ZNF484: variants seen among roughly 807,000 people sequenced by gnomAD.
ZNF484 encodes the protein KRAB box containing C2H2 type zinc finger bA526D8.4.
A neutral mutation model predicts 12.9 loss-of-function variants in ZNF484; 11 were observed. That is an observed-to-expected ratio of 0.85 (90% CI 0.54 to 1.41). The LOEUF is 1.41. Ranked by LOEUF, ZNF484 falls within the 40% of genes most tolerant of loss-of-function variation. ZNF484 has a pLI of 0.00. For missense variants in ZNF484, 807 were observed against 1,007.7 expected (o/e 0.80, Z 2.70); for synonymous variants, 289 against 334.1 (o/e 0.86, Z 1.47).
At position 92,844,387 on chromosome 9, in the gene ZNF484, A is replaced by G. The variant is rs1214811182; in HGVS notation, c.*1841T>C. ...ATAGATAATAGCTAGGAATTTCCCC[A>G]AATGCACATGTGCACACACGTACAC... On this transcript the variant is annotated 3_prime_UTR_variant, in exon 5 of 5. Transcript: ENST00000375495. Among the ~76,000 whole-genome samples the G allele has an allele frequency of 6.6e-6, 1 of 152,180 alleles. No homozygotes were observed. The highest frequency in any genetic ancestry group is 2.4e-5 in the African/African-American group (1 of 41,438).
At chr9:92,864,944 A>T (rs1856980126) in intron 2 of ZNF484, among the ~76,000 whole-genome samples, 1 of 152,224 alleles carries the variant, frequency 6.6e-6, no homozygotes, top group Non-Finnish European at 1.5e-5. Flanking sequence ...AATATGCAAT[A>T]GTCAAAAAAT....
chr9:92,856,291 C>T lies in ZNF484; in HGVS notation c.43G>A (p.Val15Ile), dbSNP rs368747542. ...TGCCACTCATCCCTACTGAAGTCTA[C>T]AGTTACGTCCTTGAATGACACTGAT... ...LESVSFKDVT[V>I]DFSRDEWQQL... Residue 15 changes from valine to isoleucine, a missense_variant, in exon 3 of 5, where the codon GTA becomes ATA. Val to Ile is a conservative substitution (Grantham distance 29, BLOSUM62 3). Transcript: ENST00000375495. 2.5e-5 allele frequency: 40 copies of T among 1,601,720 alleles called. No homozygotes were observed. The South Asian group carries it at 3.2e-4, about 13-fold the overall frequency.
At chr9:92,874,885 C>T (rs569429835) in intron 2 of ZNF484, 130 bp downstream of exon 2, 1 of 897,030 alleles carries the variant, frequency 1.1e-6, no homozygotes, top group East Asian at 2.7e-5. Context: ...GTCTCTTCTT[C>T]ATTTTATCTG....
rs1410131700 is a variant in ZNF484 at position 92,848,329 on chromosome 9, A to G, written c.458T>C (p.Phe153Ser). Reference sequence around the variant, plus strand: ...TATTTCCCCAATGTCCTTATATTCAAAGATGCTGTCATTAGCTAGTGTTTT... The same window carrying G: ...TATTTCCCCAATGTCCTTATATTCAGAGATGCTGTCATTAGCTAGTGTTTT... ...NKKTLANDSI[F>S]EYKDIGEIVH... Residue 153 changes from phenylalanine (F) to serine (S), a missense_variant, in exon 5 of 5, where the codon TTT (phenylalanine) becomes TCT (serine). Phe to Ser is a radical substitution (Grantham distance 155, BLOSUM62 -2). Coordinates refer to ENST00000375495, the MANE Select transcript of ZNF484 (RefSeq NM_031486.4). The surrounding 1 kb of genome is among the most constrained non-coding windows in gnomAD (Gnocchi z 4.1). 10 of 1,613,998 alleles carry G rather than the reference A, an allele frequency of 6.2e-6. No individual in the cohort carries two copies. The highest frequency in any genetic ancestry group is 8.5e-6 in the Non-Finnish European group (10 of 1,180,032).
chr9:92,851,890 T>C (rs1018726691), intron 4 of ZNF484, among the ~76,000 whole-genome samples: 1 of 152,306 alleles, frequency 6.6e-6, no homozygotes, highest in Non-Finnish European at 1.5e-5. Context: ...AACAAAAAGG[T>C]ACTCTGAACC....
chr9:92,856,053 C>T, intron 3 of ZNF484, 139 bp downstream of exon 3: 5 of 1,381,060 alleles, frequency 3.6e-6, no homozygotes, highest in Non-Finnish European at 5.0e-6. Flanking sequence ...AAGGACAAAA[C>T]CATTACACAC....
chr9:92,874,295 G>GTTCTTTCT (rs200619792), intron 2 of ZNF484, among the ~76,000 whole-genome samples: 1 of 141,488 alleles, frequency 7.1e-6, no homozygotes, highest in South Asian at 2.2e-4. Context: ...GTTAGTGCAC[G>GTTCTTTCT]TTCTTTCTTT....
chr9:92,876,306 TAAAGA>T (rs556686494), intron 1 of ZNF484, among the ~76,000 whole-genome samples: 88 of 152,070 alleles, frequency 5.8e-4, no homozygotes, highest in African/African-American at 2.0e-3. Context: ...AAATATTATG[TAAAGA>T]AAAGGCAGAA....
chr9:92,864,869 G>C (rs1856975753), intron 2 of ZNF484, among the ~76,000 whole-genome samples: 1 of 152,052 alleles, frequency 6.6e-6, no homozygotes, highest in Non-Finnish European at 1.5e-5. Context: ...GGCACATATA[G>C]GAAAATTTCT....
intron 4 of ZNF484, among the ~76,000 whole-genome samples, chr9:92,849,460 T>A (rs1460250391): frequency 6.6e-6 from 1 of 152,132 alleles, no homozygotes; most frequent in Admixed American, 6.5e-5. Context: ...ATCATTTAGA[T>A]GTGCTGTTCT....
intron 2 of ZNF484, among the ~76,000 whole-genome samples, chr9:92,862,669 A>G (rs776543271): frequency 1.8e-4 from 28 of 152,214 alleles, no homozygotes; most frequent in Admixed American, 6.5e-5. Flanking sequence ...CTGGCATGAG[A>G]TCATGCAACT....
At position 92,847,396 on chromosome 9, in the gene ZNF484, C is replaced by G; in HGVS notation, c.1391G>C (p.Gly464Ala). The G allele has an allele frequency of 6.2e-7, 1 of 1,613,908 alleles. No individual in the cohort carries two copies. Among genetic ancestry groups the G allele is most frequent in the Non-Finnish European group, 8.5e-7 (1 of 1,179,986 alleles). Residue 464 changes from glycine (G) to alanine (A), a missense_variant, in exon 5 of 5, where the codon GGA becomes GCA. By Grantham distance (60) the Gly-to-Ala change is moderately conservative. Coordinates refer to ENST00000375495, the MANE Select transcript of ZNF484 (RefSeq NM_031486.4). ...TTCTGAACATATAAAGGGATTCTCTCCTGTGTGAATTCGCTGATGCACATG... is the reference window on the plus strand; with the variant it reads ...TTCTGAACATATAAAGGGATTCTCTGCTGTGTGAATTCGCTGATGCACATG... ...QLHVHQRIHT[G>A]ENPFICSECG...
Position 92,847,129 on chromosome 9 carries a change from T to C in ZNF484, c.1658A>G (p.Glu553Gly). 6.2e-7 allele frequency: 1 copy of C among 1,614,106 alleles called. No homozygotes were observed. Among genetic ancestry groups the C allele is most frequent in the African/African-American group, 1.3e-5 (1 of 75,044 alleles). Residue 553 changes from glutamate to glycine, a missense_variant, in exon 5 of 5, where the codon GAA becomes GGA. Coordinates refer to ENST00000375495, the MANE Select transcript of ZNF484 (RefSeq NM_031486.4). ...GAATGCTTTCCCACATTCACTGCAT[T>C]CATAATGTCTCTCTCCAGTATGACA... ...QKCHTGERHY[E>G]CSECGKAFIQ...
chr9:92,854,385 G>T (rs1406483950), intron 4 of ZNF484, among the ~76,000 whole-genome samples: 1 of 152,108 alleles, frequency 6.6e-6, no homozygotes, highest in Non-Finnish European at 1.5e-5. Context: ...ATATTAGTAT[G>T]CCCAATGATA....
At chr9:92,868,888 TTTTA>T (rs1249652686) in intron 2 of ZNF484, among the ~76,000 whole-genome samples, 3 of 152,136 alleles carry the variant, frequency 2.0e-5, no homozygotes, top group Non-Finnish European at 4.4e-5. Flanking sequence ...TAAAATTTCT[TTTTA>T]TTTATTTATT....
chr9:92,875,086 C>T, intron 1 of ZNF484, 27 bp from the exon 2 acceptor site: 1 of 1,610,466 alleles, frequency 6.2e-7, no homozygotes, highest in Non-Finnish European at 8.5e-7. Flanking sequence ...GTAGAGGTAC[C>T]CATGAGAGAA....
chr9:92,854,960 A>T (rs1201458416), intron 4 of ZNF484, among the ~76,000 whole-genome samples: 1 of 152,212 alleles, frequency 6.6e-6, no homozygotes, highest in Non-Finnish European at 1.5e-5. Context: ...AACAACTCAG[A>T]TTTTATAAAT....
intron 4 of ZNF484, among the ~76,000 whole-genome samples, chr9:92,849,412 ATAATAT>A (rs1293439154): frequency 6.6e-5 from 10 of 152,148 alleles, no homozygotes; most frequent in Admixed American, 2.0e-4. Context: ...ATGTAGAGTA[ATAATAT>A]TAATACTAAC....
intron 4 of ZNF484, among the ~76,000 whole-genome samples, chr9:92,849,982 A>G (rs954389463): frequency 6.6e-6 from 1 of 152,112 alleles, no homozygotes. Flanking sequence ...TTGTATTTTT[A>G]GTAGAGACGG....
Sources: gnomAD v4.1 joint callset for allele counts (sites outside exome capture counted in the v4.1 genomes callset) on GRCh38, gnomAD v4.1.1 for gene constraint, Gnocchi (gnomAD v3.1) non-coding constraint, MANE v1.5 for transcripts, NCBI Gene and HGNC (gene_info 2026-07-23, HGNC 2026-07-21) for gene names.